The following CHRM3 variants were observed in gnomAD, a reference collection of about 807,000 sequenced individuals.
The protein encoded by CHRM3 is cholinergic receptor muscarinic 3, also known as muscarinic acetylcholine receptor M3.
CHRM3 carries 11 observed loss-of-function variants against 41.8 expected under a neutral mutation model. The ratio of observed to expected loss-of-function variants is 0.26; its 90% CI spans 0.17 to 0.44. The LOEUF (loss-of-function observed/expected upper bound fraction) is 0.44. CHRM3 is among the 20% of genes least tolerant of loss of function. The pLI is 1.00. For missense variants in CHRM3, 571 were observed against 745.4 expected (o/e 0.77, Z 2.72); for synonymous variants, 297 against 301.4 (o/e 0.99, Z 0.15).
chr1:239,642,623 CTTTAA>C (rs1189621192), intron 4 of CHRM3, among the ~76,000 whole-genome samples: 1 of 152,194 alleles, frequency 6.6e-6, no homozygotes, highest in Non-Finnish European at 1.5e-5. Context: ...CCATCAGCTC[CTTTAA>C]GCACTTCTCT....
intron 3 of CHRM3, among the ~76,000 whole-genome samples, chr1:239,565,965 A>T (rs1007639117): frequency 1.5e-5 from 2 of 130,842 alleles, no homozygotes; most frequent in African/African-American, 6.0e-5. Flanking sequence ...CCCAATCTGG[A>T]GTGCAGTCGT....
chr1:239,410,432 A>G (rs1341377324), intron 1 of CHRM3, among the ~76,000 whole-genome samples: 1 of 152,170 alleles, frequency 6.6e-6, no homozygotes. Context: ...GTCAGAAACC[A>G]TTGCAAAATC....
At chr1:239,497,970 A>T (rs1275093008) in intron 2 of CHRM3, among the ~76,000 whole-genome samples, 1 of 152,144 alleles carries the variant, frequency 6.6e-6, no homozygotes, top group African/African-American at 2.4e-5. Flanking sequence ...CTATTTATTA[A>T]CCAATATAAA....
At chr1:239,556,232 A>G (rs979673238) in intron 3 of CHRM3, among the ~76,000 whole-genome samples, 1 of 152,202 alleles carries the variant, frequency 6.6e-6, no homozygotes. Flanking sequence ...CCAAATCAAG[A>G]TTATTCAATT....
At chr1:239,404,803 A>G (rs1249416261) in intron 1 of CHRM3, among the ~76,000 whole-genome samples, 1 of 148,282 alleles carries the variant, frequency 6.7e-6, no homozygotes, top group Non-Finnish European at 1.5e-5. Flanking sequence ...AAAAACAGAA[A>G]GTGTTATCTC....
intron 1 of CHRM3, among the ~76,000 whole-genome samples, chr1:239,418,148 G>A (rs1049157175): frequency 6.6e-6 from 1 of 152,178 alleles, no homozygotes; most frequent in Non-Finnish European, 1.5e-5. Flanking sequence ...TGAGCCCCCT[G>A]GGAGAGGACT....
chr1:239,467,974 T>TA (rs1665855546), intron 1 of CHRM3, among the ~76,000 whole-genome samples: 1 of 152,126 alleles, frequency 6.6e-6, no homozygotes, highest in Non-Finnish European at 1.5e-5. Flanking sequence ...CTGAGGGTGT[T>TA]AAAGAGCTCT....
rs1037717178 is a variant in CHRM3 at position 239,434,686 on chromosome 1, A to G, written c.-521+47459A>G. On this transcript the variant is annotated intron_variant, in intron 1 of 6. Coordinates refer to ENST00000676153, the MANE Select transcript of CHRM3 (RefSeq NM_001375978.1). The stretch of plus-strand genomic sequence containing the variant: ...CACTAAGTGCTTTCAATATACATCA[A>G]TGAGCAAAACAGACAAAAATTTCTG... Among the ~76,000 whole-genome samples the G allele has an allele frequency of 2.6e-5, 4 of 152,196 alleles. No individual in the cohort carries two copies. The East Asian group carries it at 5.8e-4, about 22-fold the overall frequency.
intron 2 of CHRM3, among the ~76,000 whole-genome samples, chr1:239,529,822 T>G (rs1443222127): frequency 6.6e-6 from 1 of 152,114 alleles, no homozygotes; most frequent in Non-Finnish European, 1.5e-5. Context: ...TTCTCAACCC[T>G]TTTCATCTAT....
chr1:239,660,672 C>T (rs1222780104), intron 4 of CHRM3, among the ~76,000 whole-genome samples: 2 of 152,058 alleles, frequency 1.3e-5, no homozygotes, highest in Non-Finnish European at 2.9e-5. Flanking sequence ...CACTTGAGGC[C>T]AGGAGTTGGA....
intron 3 of CHRM3, among the ~76,000 whole-genome samples, chr1:239,572,597 G>A (rs189870182): frequency 2.0e-5 from 3 of 152,236 alleles, no homozygotes; most frequent in Admixed American, 2.0e-4. Flanking sequence ...TTTGAAACTA[G>A]TTCATTTAAA....
intron 6 of CHRM3, among the ~76,000 whole-genome samples, chr1:239,828,116 T>C (rs1389648467): frequency 1.3e-5 from 2 of 152,062 alleles, no homozygotes; most frequent in Non-Finnish European, 2.9e-5. Flanking sequence ...CTGTTTCTGT[T>C]AGGAAAAAGA....
intron 5 of CHRM3, among the ~76,000 whole-genome samples, chr1:239,803,137 A>T (rs1414655783): frequency 6.6e-6 from 1 of 152,148 alleles, no homozygotes; most frequent in Non-Finnish European, 1.5e-5. Context: ...TGGGGGTAAC[A>T]TGGTGAAGGC....
intron 3 of CHRM3, chr1:239,628,970 G>GC (rs1669392113): frequency 1.8e-5 from 1 of 55,076 alleles, no homozygotes; most frequent in South Asian, 8.0e-4. Context: ...TCTGTGCCCT[G>GC]CCCCCAGAGG....
intron 5 of CHRM3, among the ~76,000 whole-genome samples, chr1:239,695,275 G>T (rs1444272780): frequency 6.6e-6 from 1 of 152,092 alleles, no homozygotes; most frequent in Non-Finnish European, 1.5e-5. Flanking sequence ...CTCCCAAAGT[G>T]CTGGGATTAC....
intron 5 of CHRM3, among the ~76,000 whole-genome samples, chr1:239,689,829 C>G (rs536905276): frequency 6.6e-6 from 1 of 152,250 alleles, no homozygotes; most frequent in South Asian, 2.1e-4. Flanking sequence ...GGATTTCAGT[C>G]AGCAGCTGTC....
intron 6 of CHRM3, among the ~76,000 whole-genome samples, chr1:239,856,180 G>T (rs1163387312): frequency 6.6e-6 from 1 of 152,096 alleles, no homozygotes; most frequent in Admixed American, 6.5e-5. Flanking sequence ...GTACAACCAT[G>T]AATCAGTAAG....
intron 6 of CHRM3, among the ~76,000 whole-genome samples, chr1:239,898,997 T>C (rs867560393): frequency 6.6e-6 from 1 of 152,176 alleles, no homozygotes; most frequent in Non-Finnish European, 1.5e-5. Flanking sequence ...TTTTTTCACA[T>C]TTTTTGTTTC....
chr1:239,862,457 A>G (rs1675716281), intron 6 of CHRM3, among the ~76,000 whole-genome samples: 1 of 152,222 alleles, frequency 6.6e-6, no homozygotes, highest in African/African-American at 2.4e-5. Context: ...AAGTCATTAC[A>G]TGACAATTCC....
Sources: allele counts gnomAD v4.1 joint callset (sites outside exome capture counted in the v4.1 genomes callset), GRCh38; gene constraint gnomAD v4.1.1; transcripts MANE v1.5; gene names NCBI Gene and HGNC (gene_info 2026-07-23, HGNC 2026-07-21).